METTL15: variants seen among roughly 807,000 people sequenced by gnomAD.
METTL15 encodes 12S rRNA N(4)-cytidine methyltransferase METTL15.
A neutral mutation model predicts 38.3 loss-of-function variants in METTL15; 34 were observed. The ratio of observed to expected loss-of-function variants is 0.89; its 90% CI spans 0.68 to 1.18. METTL15 has a LOEUF of 1.18. Among genes scored for constraint, METTL15 ranks in the 50% most tolerant of loss-of-function variants. The probability of loss-of-function intolerance (pLI) is 0.00; values close to 1 mark genes in which losing one functional copy is unlikely to be tolerated. For synonymous variants in METTL15, 162 were observed against 170.9 expected (o/e 0.95, Z 0.41); for missense variants, 438 against 498.4 (o/e 0.88, Z 1.15).
chr11:28,254,709 T>G lies in METTL15; in HGVS notation c.408-35497T>G, dbSNP rs1349615235. Among the ~76,000 whole-genome samples, 6 of 152,152 alleles carry G rather than the reference T, an allele frequency of 3.9e-5. No individual in the cohort carries two copies. In the East Asian group the frequency reaches 9.6e-4, roughly 24 times the overall value. Reference sequence around the variant, plus strand: ...ATTATTCCGCAAATGGATATACAGTTTTCTAGCGCCATTTATTGAAGACTC... The same window carrying G: ...ATTATTCCGCAAATGGATATACAGTGTTCTAGCGCCATTTATTGAAGACTC... On this transcript the variant is annotated intron_variant, in intron 4 of 6. Coordinates refer to ENST00000407364, the MANE Select transcript of METTL15 (RefSeq NM_001113528.2).
intron 3 of METTL15, among the ~76,000 whole-genome samples, chr11:28,154,009 A>G (rs1850180631): frequency 6.6e-6 from 1 of 152,166 alleles, no homozygotes; most frequent in Non-Finnish European, 1.5e-5. Context: ...ATATCAATTG[A>G]AATAATGGAG....
At chr11:28,289,565 T>G (rs1856426710) in intron 4 of METTL15, among the ~76,000 whole-genome samples, 1 of 152,120 alleles carries the variant, frequency 6.6e-6, no homozygotes. Flanking sequence ...GGAAGAAGAA[T>G]TAGTATAGCT....
At chr11:28,130,356 G>C (rs1852709126) in intron 3 of METTL15, among the ~76,000 whole-genome samples, 1 of 152,062 alleles carries the variant, frequency 6.6e-6, no homozygotes, top group Admixed American at 6.6e-5. Context: ...GCCTTGCGTA[G>C]GGTGATATGT....
At chr11:28,446,035 G>A (rs1851072483) in intron 6 of METTL15, among the ~76,000 whole-genome samples, 1 of 152,094 alleles carries the variant, frequency 6.6e-6, no homozygotes, top group Non-Finnish European at 1.5e-5. Context: ...CATGTCTCTT[G>A]CAAGAGATTG....
chr11:28,282,382 G>A (rs1856089086), intron 4 of METTL15, among the ~76,000 whole-genome samples: 1 of 152,094 alleles, frequency 6.6e-6, no homozygotes, highest in Non-Finnish European at 1.5e-5. Flanking sequence ...CAGCAGCAGG[G>A]AATCTAGATT....
chr11:28,302,893 A>G (rs1396164174), intron 6 of METTL15, among the ~76,000 whole-genome samples: 7 of 152,198 alleles, frequency 4.6e-5, no homozygotes. Flanking sequence ...AAAATCCTTC[A>G]TTATGATGAA....
rs556815673 is a variant in METTL15 at position 28,172,715 on chromosome 11, C to T, written c.271-38347C>T. Among the ~76,000 whole-genome samples, 8 of 152,258 alleles carry T rather than the reference C, an allele frequency of 5.3e-5. 1 individual carries two copies. In the South Asian group the frequency reaches 1.7e-3, roughly 32 times the overall value. ...ATTGTCTCAGACATTGCGTTAGGTACTAGTAGCCTGTGAGGGAGCTGAGAA... is the reference window on the plus strand; with the variant it reads ...ATTGTCTCAGACATTGCGTTAGGTATTAGTAGCCTGTGAGGGAGCTGAGAA... On this transcript the variant is annotated intron_variant, in intron 3 of 6. Transcript: ENST00000407364.
chr11:28,278,343 A>C (rs1855921006), intron 4 of METTL15, among the ~76,000 whole-genome samples: 1 of 152,212 alleles, frequency 6.6e-6, no homozygotes. Context: ...AAGAAAATCA[A>C]GGGATAAAGC....
intron 3 of METTL15, among the ~76,000 whole-genome samples, chr11:28,165,219 G>T (rs1480350253): frequency 1.3e-5 from 2 of 151,962 alleles, no homozygotes; most frequent in Admixed American, 6.6e-5. Context: ...TGATTGCTAG[G>T]CCATATAGTA....
At position 28,522,848 on chromosome 11, in the gene METTL15, GCTAGACTAGGT is replaced by G. The variant is rs752595734; in HGVS notation, c.*425-3626_*425-3616del. Reference sequence around the variant, plus strand: ...ATATGTGTCTGGCAAAGAATAACTTGCTAGACTAGGTCTATATCAAGGACCAAATCATCATT... The same window carrying G: ...ATATGTGTCTGGCAAAGAATAACTTGCTATATCAAGGACCAAATCATCATT... On this transcript the variant is annotated intron_variant and NMD_transcript_variant, in intron 6 of 7. Coordinates refer to the METTL15 transcript ENST00000532947. Among the ~76,000 whole-genome samples the G allele has an allele frequency of 4.6e-5, 7 of 152,312 alleles. No individual in the cohort carries two copies. The South Asian group carries it at 1.2e-3, about 27-fold the overall frequency.
intron 5 of METTL15, among the ~76,000 whole-genome samples, chr11:28,370,579 G>A (rs1271722088): frequency 6.6e-6 from 1 of 151,878 alleles, no homozygotes; most frequent in Non-Finnish European, 1.5e-5. Flanking sequence ...CCCAATAGTA[G>A]AATTGCTGTA....
intron 5 of METTL15, among the ~76,000 whole-genome samples, chr11:28,384,785 C>T (rs1850423851): frequency 6.6e-6 from 1 of 152,120 alleles, no homozygotes. Flanking sequence ...CCTTTTTCTT[C>T]CTAACCTTGC....
chr11:28,235,947 C>T (rs1357493014), intron 4 of METTL15, among the ~76,000 whole-genome samples: 1 of 151,434 alleles, frequency 6.6e-6, no homozygotes, highest in Non-Finnish European at 1.5e-5. Flanking sequence ...GTGGGTTTGT[C>T]ATAGATAGCT....
chr11:28,466,094 A>C (rs1851254564), intron 6 of METTL15, among the ~76,000 whole-genome samples: 1 of 152,150 alleles, frequency 6.6e-6, no homozygotes, highest in African/African-American at 2.4e-5. Flanking sequence ...GGAACTCAAG[A>C]ATATGAATTT....
intron 5 of METTL15, among the ~76,000 whole-genome samples, chr11:28,391,277 G>A (rs1033088277): frequency 1.3e-5 from 2 of 152,082 alleles, no homozygotes; most frequent in African/African-American, 2.4e-5. Flanking sequence ...TTGAGTAGGA[G>A]TGGTGAGAGA....
At chr11:28,439,220 G>C (rs1484250467) in intron 6 of METTL15, among the ~76,000 whole-genome samples, 1 of 152,126 alleles carries the variant, frequency 6.6e-6, no homozygotes, top group Non-Finnish European at 1.5e-5. Context: ...AAGGGACTAG[G>C]ATATCTGTGG....
At chr11:28,372,212 T>A (rs1392408553) in intron 5 of METTL15, among the ~76,000 whole-genome samples, 2 of 152,078 alleles carry the variant, frequency 1.3e-5, no homozygotes, top group African/African-American at 4.8e-5. Flanking sequence ...TAAATACTTT[T>A]CCAGCACCTA....
chr11:28,336,188 A>C (rs564976834), downstream of METTL15, among the ~76,000 whole-genome samples: 47 of 152,262 alleles, frequency 3.1e-4, no homozygotes, highest in South Asian at 1.2e-3. Flanking sequence ...AGTATTTGCT[A>C]CACCTTGACA....
intron 6 of METTL15, among the ~76,000 whole-genome samples, chr11:28,455,557 C>G (rs1158772545): frequency 1.3e-5 from 2 of 152,120 alleles, no homozygotes; most frequent in African/African-American, 4.8e-5. Context: ...CCACTTCCAG[C>G]GTGGCACATT....
Sources: gnomAD v4.1 joint callset for allele counts (sites outside exome capture counted in the v4.1 genomes callset) on GRCh38, gnomAD v4.1.1 for gene constraint, MANE v1.5 for transcripts, NCBI Gene and HGNC (gene_info 2026-07-23, HGNC 2026-07-21) for gene names.